The following GTF2IRD1 variants were observed in gnomAD, a reference collection of about 807,000 sequenced individuals.
GTF2IRD1 encodes the protein general transcription factor II-I repeat domain-containing protein 1.
In GTF2IRD1, 26 loss-of-function variants were observed where a neutral mutation model predicts 113.2. The ratio of observed to expected loss-of-function variants is 0.23; its 90% CI spans 0.17 to 0.32. The LOEUF (loss-of-function observed/expected upper bound fraction) is 0.32. Ranked by LOEUF, GTF2IRD1 falls within the 10% of genes least tolerant of loss-of-function variation. The probability of loss-of-function intolerance (pLI) is 1.00; values close to 1 mark genes in which losing one functional copy is unlikely to be tolerated. For missense variants in GTF2IRD1, 864 were observed against 1,280.8 expected, an observed-to-expected ratio of 0.67 and a Z score of 4.97; for synonymous variants, 484 against 529.1, an observed-to-expected ratio of 0.91 and a Z score of 1.17.
chr7:74,522,092 C>G (rs1343434260), intron 7 of GTF2IRD1, among the ~76,000 whole-genome samples: 7 of 152,034 alleles, frequency 4.6e-5, no homozygotes, highest in Non-Finnish European at 1.0e-4. Context: ...AGTTATTGAT[C>G]CAAAAGAGAG....
intron 8 of GTF2IRD1, among the ~76,000 whole-genome samples, chr7:74,528,758 A>AGGG (rs1562838341): frequency 1.9e-5 from 1 of 52,246 alleles, no homozygotes; most frequent in African/African-American, 8.1e-5. Context: ...TGGATGGATG[A>AGGG]ATGGATGGAT....
intron 17 of GTF2IRD1, among the ~76,000 whole-genome samples, chr7:74,547,969 C>T (rs1583855660): frequency 6.6e-6 from 1 of 151,988 alleles, no homozygotes; most frequent in Non-Finnish European, 1.5e-5. Context: ...TGTCCTGGGC[C>T]GGGGGCTGGG....
At chr7:74,559,525 C>G in intron 21 of GTF2IRD1, 102 bp from the exon 22 acceptor site, 1 of 961,736 alleles carries the variant, frequency 1.0e-6, no homozygotes. Flanking sequence ...TGCTGTAGGT[C>G]TGGGGTGCTC....
chr7:74,491,331 T>C (rs79197405), intron 1 of GTF2IRD1, among the ~76,000 whole-genome samples: 2 of 150,114 alleles, frequency 1.3e-5, no homozygotes, highest in Admixed American at 1.3e-4. Flanking sequence ...TTTTTTTTTT[T>C]TTTACTTTGA....
At chr7:74,469,753 G>T (rs1793972585) in intron 1 of GTF2IRD1, among the ~76,000 whole-genome samples, 2 of 151,938 alleles carry the variant, frequency 1.3e-5, no homozygotes, top group African/African-American at 4.8e-5. Context: ...ACCCAGGCTG[G>T]AGTGCTTTGG....
At chr7:74,548,808 G>T (rs1373790369) in intron 17 of GTF2IRD1, among the ~76,000 whole-genome samples, 3 of 152,100 alleles carry the variant, frequency 2.0e-5, no homozygotes, top group Non-Finnish European at 4.4e-5. Context: ...GGAGGCTGAG[G>T]TGGGAGGATC....
intron 1 of GTF2IRD1, among the ~76,000 whole-genome samples, chr7:74,485,433 C>T (rs540372041): frequency 4.6e-5 from 7 of 151,948 alleles, no homozygotes; most frequent in East Asian, 1.9e-4. Flanking sequence ...CTGGCTAACA[C>T]GGTGAAACCC....
intron 1 of GTF2IRD1, among the ~76,000 whole-genome samples, chr7:74,472,668 C>T (rs1305736795): frequency 1.3e-5 from 2 of 152,224 alleles, no homozygotes; most frequent in African/African-American, 4.8e-5. Flanking sequence ...ATGAGAACTG[C>T]TTCAACCCGG....
At chr7:74,471,904 AT>A (rs1346742974) in intron 1 of GTF2IRD1, among the ~76,000 whole-genome samples, 1 of 152,062 alleles carries the variant, frequency 6.6e-6, no homozygotes, top group Non-Finnish European at 1.5e-5. Flanking sequence ...AGGCAGGAGA[AT>A]TGCTTGAATC....
At chr7:74,562,158 G>A (rs1800005996) in intron 22 of GTF2IRD1, among the ~76,000 whole-genome samples, 1 of 152,228 alleles carries the variant, frequency 6.6e-6, no homozygotes, top group African/African-American at 2.4e-5. Context: ...TCCCTCACAC[G>A]GTTCCCGAAG....
In GTF2IRD1 at chr7:74,557,674, G is replaced by T. The variant is rs782119956; in HGVS notation, c.2059G>T (p.Ala687Ser). Residue 687 changes from alanine to serine, a missense_variant, in exon 20 of 27, where the codon GCC becomes TCC. By Grantham distance (99) the Ala-to-Ser change is moderately conservative (BLOSUM62 1). Transcript: ENST00000424337. The stretch of plus-strand genomic sequence containing the variant: ...CGCGAGGCTCTCACGGATCGACATC[G>T]CCAACACACTAAGGGAGCAGGTCCA... ...YDARLSRIDI[A>S]NTLREQVQDL... is the part of the protein sequence containing the mutation. 5.6e-6 allele frequency: 9 copies of T among 1,613,382 alleles called. No homozygotes were observed. Among genetic ancestry groups the T allele is most frequent in the Non-Finnish European group, 7.6e-6 (9 of 1,179,486 alleles).
chr7:74,467,394 C>G (rs1230709391), intron 1 of GTF2IRD1, among the ~76,000 whole-genome samples: 1 of 152,224 alleles, frequency 6.6e-6, no homozygotes, highest in East Asian at 1.9e-4. Context: ...GAGCCGAGTA[C>G]AGCCCAATTT....
rs373806531 is a variant in GTF2IRD1 at position 74,539,913 on chromosome 7, G to C, written c.1563G>C (p.Ser521=). The C allele has an allele frequency of 5.7e-5, 92 of 1,613,034 alleles. No individual in the cohort carries two copies. Among genetic ancestry groups the C allele is most frequent in the Non-Finnish European group, 7.7e-5 (91 of 1,179,828 alleles). ...CAACCTCTGAGGAAATGACAGACTC[G>C]ATGCCTGGGCACCTGCCATCGGAGG... ...PSPTSEEMTD[S]MPGHLPSEDS... Residue 521 remains serine (S), a synonymous_variant, in exon 14 of 27, where the codon TCG becomes TCC. Coordinates refer to ENST00000424337, the MANE Select transcript of GTF2IRD1 (RefSeq NM_005685.4).
intron 9 of GTF2IRD1, among the ~76,000 whole-genome samples, chr7:74,533,324 G>A (rs1390594285): frequency 2.6e-5 from 4 of 151,868 alleles, no homozygotes; most frequent in Non-Finnish European, 5.9e-5. Flanking sequence ...TAGTAGAGAC[G>A]GGGTTTCACC....
chr7:74,490,908 G>A (rs1795301309), intron 1 of GTF2IRD1, among the ~76,000 whole-genome samples: 1 of 152,172 alleles, frequency 6.6e-6, no homozygotes, highest in South Asian at 2.1e-4. Context: ...AAGGGGCTGA[G>A]GATGTGGACT....
intron 8 of GTF2IRD1, among the ~76,000 whole-genome samples, chr7:74,526,946 G>A (rs1797636886): frequency 1.3e-5 from 2 of 152,210 alleles, no homozygotes; most frequent in African/African-American, 4.8e-5. Flanking sequence ...GGAAAACAGT[G>A]TCAGAGGCAC....
intron 25 of GTF2IRD1, 103 bp from the exon 26 acceptor site, chr7:74,600,941 G>A: frequency 8.0e-7 from 1 of 1,257,252 alleles, no homozygotes; most frequent in Non-Finnish European, 1.1e-6. Context: ...TCCTGAAAGG[G>A]GGACTCGAAA....
intron 1 of GTF2IRD1, among the ~76,000 whole-genome samples, chr7:74,478,895 G>T (rs1468418): frequency 0.026 from 3,944 of 150,558 alleles, 292 homozygotes; most frequent in East Asian, 0.17. Context: ...ACAGGCACAT[G>T]CTATCACACT....
At chr7:74,536,562 C>T (rs587725222) in intron 11 of GTF2IRD1, among the ~76,000 whole-genome samples, 75 of 152,268 alleles carry the variant, frequency 4.9e-4, no homozygotes, top group African/African-American at 1.8e-3. Context: ...AATCCCAGCA[C>T]TTTGGGAGGC....
Sources: allele counts gnomAD v4.1 joint callset (sites outside exome capture counted in the v4.1 genomes callset), GRCh38; gene constraint gnomAD v4.1.1; transcripts MANE v1.5; gene names NCBI Gene and HGNC (gene_info 2026-07-23, HGNC 2026-07-21).